The following DTNBP1 variants were observed in gnomAD, a reference collection of about 807,000 sequenced individuals.
DTNBP1 encodes the protein dysbindin.
A neutral mutation model predicts 42.8 loss-of-function variants in DTNBP1; 35 were observed. The observed-to-expected ratio is 0.82, with a 90% CI of 0.63 to 1.09. The LOEUF is 1.09. Among genes scored for constraint, DTNBP1 ranks in the 50% least tolerant of loss-of-function variants. The pLI, the probability that DTNBP1 is intolerant of heterozygous loss-of-function variation, is 0.00. For missense variants in DTNBP1, 457 were observed against 424.2 expected (o/e 1.08, Z -0.68); for synonymous variants, 171 against 162.2 (o/e 1.05, Z -0.41).
intron 5 of DTNBP1, among the ~76,000 whole-genome samples, chr6:15,621,226 T>C (rs984922235): frequency 6.6e-6 from 1 of 152,238 alleles, no homozygotes. Context: ...AGAAACTATG[T>C]AATGGAGCCA....
At chr6:15,623,912 C>G (rs1759186543) in intron 5 of DTNBP1, among the ~76,000 whole-genome samples, 1 of 152,184 alleles carries the variant, frequency 6.6e-6, no homozygotes, top group Non-Finnish European at 1.5e-5. Flanking sequence ...GTTTTGCATT[C>G]TAAACTGTTT....
intron 4 of DTNBP1, among the ~76,000 whole-genome samples, chr6:15,636,713 CACAG>C (rs1452624307): frequency 6.6e-6 from 1 of 152,168 alleles, no homozygotes; most frequent in Non-Finnish European, 1.5e-5. Context: ...TTCAGATCCC[CACAG>C]ACAAAGTCTC....
chr6:15,645,329 A>T (rs954191181), intron 3 of DTNBP1, among the ~76,000 whole-genome samples: 3 of 152,100 alleles, frequency 2.0e-5, no homozygotes, highest in African/African-American at 7.2e-5. Context: ...GCCCTAGACC[A>T]GATGGATTTA....
chr6:15,662,695 G>A lies in DTNBP1; in HGVS notation c.56+119C>T. 3 of 1,358,698 alleles carry A rather than the reference G, an allele frequency of 2.2e-6. No individual in the cohort carries two copies. In the South Asian group the frequency reaches 3.6e-5, roughly 16 times the overall value. 84.2% of individuals were successfully genotyped at this position (1,358,698 alleles called of 1,614,324 possible). A position where few individuals can be genotyped will look rare whatever the true frequency, so the allele number is the denominator to read the frequency against. On this transcript the variant is annotated intron_variant, in intron 1 of 9. Transcript: ENST00000344537. ...TTACTTTCCTCGGCGGGGCGGGGCGGGGAGGTGCGGGACAGGACGGACCCT... is the reference window on the plus strand; with the variant it reads ...TTACTTTCCTCGGCGGGGCGGGGCGAGGAGGTGCGGGACAGGACGGACCCT...
intron 1 of DTNBP1, among the ~76,000 whole-genome samples, chr6:15,655,560 T>C (rs1761232137): frequency 1.3e-5 from 2 of 151,792 alleles, no homozygotes; most frequent in Admixed American, 6.6e-5. Context: ...ATAGGAAAGT[T>C]GGAAATAGTC....
intron 3 of DTNBP1, among the ~76,000 whole-genome samples, chr6:15,646,254 A>C (rs1453864790): frequency 9.7e-6 from 1 of 103,184 alleles, no homozygotes; most frequent in Admixed American, 9.1e-5. Context: ...TCTCATTTAC[A>C]ATAGACACAC....
In DTNBP1 at chr6:15,533,319, C is replaced by A; in HGVS notation, c.588G>T (p.Gln196His). Reference sequence around the variant, plus strand: ...GCTGGAAGGCTTCCTCAAAAAACTTCTGCCGCTCCTTCAGCTTCATTTGCT... The same window carrying A: ...GCTGGAAGGCTTCCTCAAAAAACTTATGCCGCTCCTTCAGCTTCATTTGCT... ...HTQQMKLKER[Q>H]KFFEEAFQQD... Residue 196 changes from glutamine (Q) to histidine (H), a missense_variant, in exon 8 of 10, where the codon CAG becomes CAT. Coordinates refer to ENST00000344537, the MANE Select transcript of DTNBP1 (RefSeq NM_032122.5). The A allele has an allele frequency of 6.2e-7, 1 of 1,614,244 alleles. No individual in the cohort carries two copies. Among genetic ancestry groups the A allele is most frequent in the Non-Finnish European group, 8.5e-7 (1 of 1,180,050 alleles).
chr6:15,662,922 T>A lies in DTNBP1; in HGVS notation c.-53A>T, dbSNP rs1428668200. The A allele has an allele frequency of 6.3e-7, 1 of 1,598,126 alleles. No homozygotes were observed. Among genetic ancestry groups the A allele is most frequent in the African/African-American group, 1.3e-5 (1 of 74,714 alleles). ...AGGCCTCGGGCTGCTGCTGCCTCTGTCGCCCCCTGGGTCCCACGCCGCCAA... is the reference window on the plus strand; with the variant it reads ...AGGCCTCGGGCTGCTGCTGCCTCTGACGCCCCCTGGGTCCCACGCCGCCAA... On this transcript the variant is annotated 5_prime_UTR_variant, in exon 1 of 10. Transcript: ENST00000344537.
intron 7 of DTNBP1, among the ~76,000 whole-genome samples, chr6:15,566,496 C>G (rs1775090699): frequency 6.6e-6 from 1 of 152,086 alleles, no homozygotes; most frequent in East Asian, 1.9e-4. Flanking sequence ...CCAGCACTAA[C>G]TTTAAAACAC....
rs192236000 is a variant in DTNBP1 at position 15,525,502 on chromosome 6, G to A, written c.668-833C>T. ...TGAAATGAGCCACTCCGAGTGAAGG[G>A]CAGCAGAAACAAACATCATCCTCGC... On this transcript the variant is annotated intron_variant, in intron 8 of 9. Transcript: ENST00000344537. Among the ~76,000 whole-genome samples, 17 of 152,362 alleles carry A rather than the reference G, an allele frequency of 1.1e-4. No individual in the cohort carries two copies. The East Asian group carries it at 3.3e-3, about 29-fold the overall frequency.
intron 6 of DTNBP1, among the ~76,000 whole-genome samples, chr6:15,614,467 T>A (rs1315487860): frequency 6.6e-6 from 1 of 152,076 alleles, no homozygotes; most frequent in Admixed American, 6.6e-5. Flanking sequence ...AAAGCCCGCC[T>A]CCAGCTTCAG....
At chr6:15,634,679 A>G (rs1345089714) in intron 4 of DTNBP1, among the ~76,000 whole-genome samples, 1 of 152,094 alleles carries the variant, frequency 6.6e-6, no homozygotes, top group Admixed American at 6.6e-5. Context: ...TTAACTTTTA[A>G]AAGTGAGGTT....
chr6:15,660,409 G>C, intron 1 of DTNBP1: 1 of 1,289,798 alleles, frequency 7.8e-7, no homozygotes, highest in Middle Eastern at 2.1e-4. Flanking sequence ...TCAGGCACTA[G>C]AGGTCCGGGT....
At chr6:15,652,697 A>T (rs555717404) in intron 1 of DTNBP1, among the ~76,000 whole-genome samples, 2 of 152,086 alleles carry the variant, frequency 1.3e-5, no homozygotes, top group Admixed American at 1.3e-4. Flanking sequence ...GTGCGATTGT[A>T]GCTTACTGTA....
intron 6 of DTNBP1, among the ~76,000 whole-genome samples, chr6:15,597,434 G>C (rs1391018265): frequency 6.6e-6 from 1 of 152,142 alleles, no homozygotes; most frequent in Non-Finnish European, 1.5e-5. Flanking sequence ...CTAACCAGAT[G>C]AAAAAGCATG....
At chr6:15,637,386 C>A (rs778830461) in intron 4 of DTNBP1, among the ~76,000 whole-genome samples, 21 of 152,054 alleles carry the variant, frequency 1.4e-4, no homozygotes, top group Admixed American at 4.6e-4. Flanking sequence ...ATAAGGAATT[C>A]TTAAATAGTG....
chr6:15,601,175 G>A (rs1257679923), intron 6 of DTNBP1, among the ~76,000 whole-genome samples: 1 of 152,196 alleles, frequency 6.6e-6, no homozygotes, highest in Admixed American at 6.5e-5. Flanking sequence ...AAGGACCTTA[G>A]TTACTTAAAA....
At chr6:15,595,491 T>C (rs1363202497) in intron 6 of DTNBP1, among the ~76,000 whole-genome samples, 1 of 152,052 alleles carries the variant, frequency 6.6e-6, no homozygotes, top group African/African-American at 2.4e-5. Context: ...GGCCTCAAAC[T>C]CCTGACCTCA....
intron 5 of DTNBP1, among the ~76,000 whole-genome samples, chr6:15,618,291 A>G (rs9476869): frequency 0.15 from 23,513 of 152,198 alleles, 2,705 homozygotes; most frequent in African/African-American, 0.32. Flanking sequence ...GGAAATACAA[A>G]TCGAAACCAC....
Sources: gnomAD v4.1 joint callset for allele counts (sites outside exome capture counted in the v4.1 genomes callset) on GRCh38, gnomAD v4.1.1 for gene constraint, MANE v1.5 for transcripts, NCBI Gene and HGNC (gene_info 2026-07-23, HGNC 2026-07-21) for gene names.